MAK16: variants seen among roughly 807,000 people sequenced by gnomAD.
MAK16 encodes MAK16 homolog, also known as protein MAK16 homolog.
Under a neutral mutation model 49.9 loss-of-function variants are expected in MAK16, and 12 were observed. That is an observed-to-expected ratio of 0.24 (90% CI 0.15 to 0.39). The LOEUF (loss-of-function observed/expected upper bound fraction) is 0.39, where lower values mean the gene tolerates loss of function less well. MAK16 is among the 10% of genes least tolerant of loss of function. MAK16 has a pLI of 1.00. For synonymous variants in MAK16, 115 were observed against 126.4 expected (o/e 0.91, Z 0.60); for missense variants, 292 against 363.7 (o/e 0.80, Z 1.60).
Position 33,498,829 on chromosome 8 carries a change from GT to G in MAK16, c.*205del. On this transcript the variant is annotated 3_prime_UTR_variant, in exon 10 of 10. Coordinates refer to ENST00000360128, the MANE Select transcript of MAK16 (RefSeq NM_032509.4). ...AGAAAGCTAAGTTGTGAACAAGAGT[GT>G]TTTTATAGCATATGTGTTGAAGTAA... 1 of 611,870 alleles carries G rather than the reference GT, an allele frequency of 1.6e-6. No homozygotes were observed. The highest frequency in any genetic ancestry group is 2.8e-6 in the Non-Finnish European group (1 of 351,090). 37.9% of individuals were successfully genotyped at this position (611,870 alleles called of 1,614,324 possible).
Position 33,500,699 on chromosome 8 carries a change from C to T in MAK16, c.*2070C>T, listed in dbSNP as rs1809044583. On this transcript the variant is annotated 3_prime_UTR_variant, in exon 10 of 10. Transcript: ENST00000360128. ...CCTGTTAGCATACTGCCTATACACA[C>T]AGACACACCCTCTGCCACACTGCTC... 3.7e-6 allele frequency: 2 copies of T among 539,832 alleles called. No homozygotes were observed. The highest frequency in any genetic ancestry group is 3.3e-6 in the Non-Finnish European group (1 of 304,618). The allele number at this position is 539,832 out of a possible 1,614,324, so 33.4% of individuals were successfully genotyped here.
chr8:33,497,338 C>CA (rs35141506), intron 9 of MAK16, 41 bp downstream of exon 9: 23,753 of 525,914 alleles, frequency 0.045, 41 homozygotes, highest in African/African-American at 0.066. Context: ...TGGCCTGCAG[C>CA]AAAAAAAAAA....
rs1157155247 is a variant in MAK16 at position 33,489,864 on chromosome 8, T to C, written c.393-421T>C. Among the ~76,000 whole-genome samples, 3 of 152,178 alleles carry C rather than the reference T, an allele frequency of 2.0e-5. No individual in the cohort carries two copies. The highest frequency in any genetic ancestry group is 7.2e-5 in the African/African-American group (3 of 41,444). On this transcript the variant is annotated intron_variant, in intron 5 of 9. Transcript: ENST00000360128. The surrounding 1 kb of genome is among the most constrained non-coding windows in gnomAD (Gnocchi z 4.2). ...CTCTAGGACTGTTAGGCCCTAATGC[T>C]TTTTGACTGTGATCTACATAGAATG...
intron 1 of MAK16, 120 bp downstream of exon 1, chr8:33,485,341 G>C (rs1808668867): frequency 7.3e-7 from 1 of 1,368,278 alleles, no homozygotes; most frequent in African/African-American, 1.4e-5. Context: ...TGGATGTGAG[G>C]CTTCCGGAAC....
Position 33,499,013 on chromosome 8 carries a change from C to T in MAK16, c.*384C>T, listed in dbSNP as rs1808956172. On this transcript the variant is annotated 3_prime_UTR_variant, in exon 10 of 10. Coordinates refer to ENST00000360128, the MANE Select transcript of MAK16 (RefSeq NM_032509.4). ...AGGAGTTCAATTTTTTCTTGTTCTA[C>T]TTTCCCTATTCTTATGGAGGTAAAA... 2 of 650,666 alleles carry T rather than the reference C, an allele frequency of 3.1e-6. No individual in the cohort carries two copies. The highest frequency in any genetic ancestry group is 5.3e-6 in the Non-Finnish European group (2 of 378,680). 40.3% of individuals were successfully genotyped at this position (650,666 alleles called of 1,614,324 possible). A position where few individuals can be genotyped will look rare whatever the true frequency, so the allele number is the denominator to read the frequency against.
At chr8:33,495,423 C>A (rs940994459) in intron 6 of MAK16, 119 bp from the exon 7 acceptor site, 4 of 804,854 alleles carry the variant, frequency 5.0e-6, no homozygotes, top group Non-Finnish European at 8.0e-6. Context: ...CCAGTATTAG[C>A]AAGGAGGGGA....
rs1253445441 is a variant in MAK16 at position 33,500,704 on chromosome 8, A to G, written c.*2075A>G. On this transcript the variant is annotated 3_prime_UTR_variant, in exon 10 of 10. Coordinates refer to ENST00000360128, the MANE Select transcript of MAK16 (RefSeq NM_032509.4). ...TAGCATACTGCCTATACACACAGAC[A>G]CACCCTCTGCCACACTGCTCTCTTC... 1.9e-6 allele frequency: 1 copy of G among 529,662 alleles called. No individual in the cohort carries two copies. The highest frequency in any genetic ancestry group is 1.9e-5 in the African/African-American group (1 of 52,138). 32.8% of individuals were successfully genotyped at this position (529,662 alleles called of 1,614,324 possible).
At position 33,500,311 on chromosome 8, in the gene MAK16, G is replaced by C; in HGVS notation, c.*1682G>C. The stretch of plus-strand genomic sequence containing the variant: ...GATAATGAGGCCCAACTGAAACCAA[G>C]TTTCAGTCTGCCTTACCTTTACCCG... On this transcript the variant is annotated 3_prime_UTR_variant, in exon 10 of 10. Coordinates refer to ENST00000360128, the MANE Select transcript of MAK16 (RefSeq NM_032509.4). The C allele has an allele frequency of 6.2e-7, 1 of 1,613,996 alleles. No homozygotes were observed. The highest frequency in any genetic ancestry group is 8.5e-7 in the Non-Finnish European group (1 of 1,179,922).
chr8:33,491,627 C>CTTTTT (rs554026888), intron 6 of MAK16, among the ~76,000 whole-genome samples: 108 of 89,906 alleles, frequency 1.2e-3, no homozygotes, highest in African/African-American at 2.2e-3. Context: ...CTGCCCCCTG[C>CTTTTT]TTTTTTTTTT....
intron 1 of MAK16, chr8:33,485,485 A>C: frequency 9.5e-6 from 5 of 526,226 alleles, no homozygotes; most frequent in African/African-American, 2.0e-5. Context: ...GTGCCTACCA[A>C]TGCAGGACGT....
At chr8:33,490,236 G>T in intron 5 of MAK16, 49 bp from the exon 6 acceptor site, 3 of 1,470,122 alleles carry the variant, frequency 2.0e-6, no homozygotes, top group South Asian at 2.4e-5. Flanking sequence ...CCTTAAAAAG[G>T]AACACAGCAC....
intron 1 of MAK16, among the ~76,000 whole-genome samples, chr8:33,487,801 G>C (rs1005105864): frequency 6.6e-6 from 1 of 152,090 alleles, no homozygotes; most frequent in African/African-American, 2.4e-5. Flanking sequence ...ATTTCACAGA[G>C]TATGTCAAAA....
intron 1 of MAK16, among the ~76,000 whole-genome samples, chr8:33,487,433 T>G (rs1251473345): frequency 1.3e-5 from 2 of 152,068 alleles, no homozygotes; most frequent in Non-Finnish European, 2.9e-5. Context: ...GAAGCCTTTT[T>G]TTTTTTTTTG....
At chr8:33,488,692 G>C (rs772398847) in intron 3 of MAK16, 42 bp from the exon 4 acceptor site, 1 of 1,611,972 alleles carries the variant, frequency 6.2e-7, no homozygotes, top group East Asian at 2.2e-5. Flanking sequence ...ATGTTCTTTA[G>C]TTTCTGTAAA....
chr8:33,499,379 G>T lies in MAK16; in HGVS notation c.*750G>T. The T allele has an allele frequency of 2.3e-6, 2 of 856,850 alleles. No individual in the cohort carries two copies. The highest frequency in any genetic ancestry group is 3.9e-6 in the Non-Finnish European group (2 of 516,750). 53.1% of individuals were successfully genotyped at this position (856,850 alleles called of 1,614,324 possible). Reference sequence around the variant, plus strand: ...TTGGTATCATATTCAAAGGAGGAAAGAATGGATGACACTTAGGGACAGGTC... The same window carrying T: ...TTGGTATCATATTCAAAGGAGGAAATAATGGATGACACTTAGGGACAGGTC... On this transcript the variant is annotated 3_prime_UTR_variant, in exon 10 of 10. Coordinates refer to ENST00000360128, the MANE Select transcript of MAK16 (RefSeq NM_032509.4).
rs908208907 is a variant in MAK16 at position 33,500,270 on chromosome 8, A to T, written c.*1641A>T. ...CATACATAGTAAATTATAATCAATC[A>T]TGGGAATTACATAAGGATAATGAGG... On this transcript the variant is annotated 3_prime_UTR_variant, in exon 10 of 10. Transcript: ENST00000360128. 1.2e-6 allele frequency: 2 copies of T among 1,600,286 alleles called. No homozygotes were observed. The highest frequency in any genetic ancestry group is 2.7e-5 in the African/African-American group (2 of 74,580).
In MAK16 at chr8:33,498,636, T is replaced by C. The variant is rs765946693; in HGVS notation, c.*7T>C. The C allele has an allele frequency of 1.2e-6, 2 of 1,612,196 alleles. No homozygotes were observed. The highest frequency in any genetic ancestry group is 3.5e-4 in the Middle Eastern group (2 of 5,638). On this transcript the variant is annotated 3_prime_UTR_variant, in exon 10 of 10. Coordinates refer to ENST00000360128, the MANE Select transcript of MAK16 (RefSeq NM_032509.4). ...CAAAGCCAAAACCACGTGATTTCCCTTTCAGCATTTATACCCAGGACTGAA... is the reference window on the plus strand; with the variant it reads ...CAAAGCCAAAACCACGTGATTTCCCCTTCAGCATTTATACCCAGGACTGAA...
In MAK16 at chr8:33,498,980, G is replaced by T; in HGVS notation, c.*351G>T. ...CCTTTTTTCTCCCAAACTTTATTTA[G>T]AAATGGAAGGAGTTCAATTTTTTCT... On this transcript the variant is annotated 3_prime_UTR_variant, in exon 10 of 10. Transcript: ENST00000360128. 1 of 600,420 alleles carries T rather than the reference G, an allele frequency of 1.7e-6. No individual in the cohort carries two copies. The allele number at this position is 600,420 out of a possible 1,614,324, so 37.2% of individuals were successfully genotyped here.
intron 6 of MAK16, among the ~76,000 whole-genome samples, 191 bp from the exon 7 acceptor site, chr8:33,495,351 A>T (rs1354756137): frequency 6.6e-6 from 1 of 152,242 alleles, no homozygotes; most frequent in African/African-American, 2.4e-5. Context: ...CAAAATGGAA[A>T]TGTTCCCAAG....
Sources: allele counts gnomAD v4.1 joint callset (sites outside exome capture counted in the v4.1 genomes callset), GRCh38; gene constraint gnomAD v4.1.1; non-coding constraint Gnocchi (gnomAD v3.1); transcripts MANE v1.5; gene names NCBI Gene and HGNC (gene_info 2026-07-23, HGNC 2026-07-21).